TCFL5: variants seen among roughly 807,000 people sequenced by gnomAD.
TCFL5 encodes the protein transcription factor like 5.
TCFL5 carries 9 observed loss-of-function variants against 44.3 expected under a neutral mutation model. The ratio of observed to expected loss-of-function variants is 0.20; its 90% CI spans 0.12 to 0.35. The LOEUF is 0.35. Among genes scored for constraint, TCFL5 ranks in the 10% least tolerant of loss-of-function variants. The pLI is 1.00. For synonymous variants in TCFL5, 319 were observed against 271.6 expected, an observed-to-expected ratio of 1.17 and a Z score of -1.72; for missense variants, 603 against 613.4, an observed-to-expected ratio of 0.98 and a Z score of 0.18.
intron 5 of TCFL5, among the ~76,000 whole-genome samples, chr20:62,844,573 T>C (rs2147244620): frequency 7.3e-6 from 1 of 137,646 alleles, no homozygotes; most frequent in African/African-American, 3.4e-5. Context: ...TTTTTTTTGT[T>C]TGTTTTTTGT....
chr20:62,845,420 GCTT>G (rs2063729005), intron 5 of TCFL5: 2 of 1,245,112 alleles, frequency 1.6e-6, no homozygotes, highest in Non-Finnish European at 2.0e-6. Context: ...ACGACGCCCA[GCTT>G]CTTCCCAAAT....
intron 5 of TCFL5, chr20:62,845,650 A>T (rs1252108993): frequency 1.2e-6 from 2 of 1,605,486 alleles, no homozygotes; most frequent in East Asian, 4.5e-5. Context: ...CCCCTTCAGC[A>T]ACCCCCGCTG....
intron 5 of TCFL5, chr20:62,851,930 T>A (rs1269632245): frequency 1.3e-6 from 1 of 795,148 alleles, no homozygotes. Flanking sequence ...TGCTTCAACC[T>A]CCTGAGTAGC....
Position 62,859,408 on chromosome 20 carries a change from C to T in TCFL5, c.950G>A (p.Ser317Asn), listed in dbSNP as rs751521241. 1.9e-6 allele frequency: 3 copies of T among 1,611,960 alleles called. No homozygotes were observed. The highest frequency in any genetic ancestry group is 1.7e-6 in the Non-Finnish European group (2 of 1,178,506). ...TTGCTCAGGCAAAACTTTGTTTCTA[C>T]TACCTAACGTCTGTTTAGTGGATTC... ...EIESTKQTLG[S>N]RNKVLPEQVW... The change falls in exon 3 of 6, where the codon AGT (serine) becomes AAT (asparagine). Residue 317 changes from serine to asparagine, a missense_variant. Coordinates refer to ENST00000335351, the MANE Select transcript of TCFL5 (RefSeq NM_006602.4).
chr20:62,844,865 G>C (rs2063722056), intron 5 of TCFL5: 1 of 984,862 alleles, frequency 1.0e-6, no homozygotes, highest in African/African-American at 1.7e-5. Context: ...CAGAGTGCTG[G>C]GATTACAGGC....
intron 3 of TCFL5, among the ~76,000 whole-genome samples, chr20:62,858,254 C>A (rs921084175): frequency 2.0e-5 from 3 of 152,254 alleles, no homozygotes; most frequent in African/African-American, 7.2e-5. Context: ...GTCAGTGGAA[C>A]TGTATCCATC....
chr20:62,844,549 C>T (rs2063715244), intron 5 of TCFL5, among the ~76,000 whole-genome samples: 1 of 148,384 alleles, frequency 6.7e-6, no homozygotes, highest in South Asian at 2.1e-4. Context: ...TGGCTTTCAA[C>T]ATTTTTTTTC....
At chr20:62,860,410 C>A in intron 1 of TCFL5, 102 bp from the exon 2 acceptor site, 1 of 1,000,104 alleles carries the variant, frequency 1.0e-6, no homozygotes, top group Non-Finnish European at 1.5e-6. Context: ...AGACAGCAAC[C>A]CAACTCTCAT....
At chr20:62,845,780 G>GGAGAATGGGGAAGGTGTGGCAATGTGTCC (rs767557217) in intron 5 of TCFL5, 52 of 1,605,458 alleles carry the variant, frequency 3.2e-5, no homozygotes, top group African/African-American at 4.0e-5. Context: ...AGGAAGAGCT[G>GGAGAATGGGGAAGGTGTGGCAATGTGTCC]GAGAATGGGG....
intron 5 of TCFL5, among the ~76,000 whole-genome samples, chr20:62,849,987 TA>T (rs1000709368): frequency 2.6e-5 from 4 of 151,832 alleles, no homozygotes; most frequent in African/African-American, 9.7e-5. Context: ...AACATTAAAA[TA>T]AAAAAATTAG....
At chr20:62,846,932 C>T (rs1351712975) in intron 5 of TCFL5, among the ~76,000 whole-genome samples, 2 of 152,134 alleles carry the variant, frequency 1.3e-5, no homozygotes, top group East Asian at 3.9e-4. Flanking sequence ...CACCTGTAAT[C>T]GCAGCACTTT....
At chr20:62,846,156 A>C (rs1305468429) in intron 5 of TCFL5, 1 of 1,196,124 alleles carries the variant, frequency 8.4e-7, no homozygotes, top group Admixed American at 2.6e-5. Context: ...ATCTAAATTT[A>C]AAAGACGATA....
rs779345224 is a variant in TCFL5 at position 62,842,123 on chromosome 20, A to G, written c.1381-26T>C. The G allele has an allele frequency of 3.1e-6, 5 of 1,613,650 alleles. No homozygotes were observed. Among genetic ancestry groups the G allele is most frequent in the South Asian group, 1.1e-5 (1 of 91,020 alleles). ...CTGCAGTGAAGAAGTGACGGTTAACATACTGAATTAACTGACATGAAAACT... is the reference window on the plus strand; with the variant it reads ...CTGCAGTGAAGAAGTGACGGTTAACGTACTGAATTAACTGACATGAAAACT... On this transcript the variant is annotated intron_variant, in intron 5 of 5. Coordinates refer to ENST00000335351, the MANE Select transcript of TCFL5 (RefSeq NM_006602.4). The surrounding 1 kb of genome is among the most constrained non-coding windows in gnomAD (Gnocchi z 4.3).
At chr20:62,859,251 T>G in intron 3 of TCFL5, 113 bp downstream of exon 3, 3 of 1,030,016 alleles carry the variant, frequency 2.9e-6, no homozygotes, top group Non-Finnish European at 2.8e-6. Context: ...CCTCCAAGAC[T>G]GTTTCACATG....
Position 62,853,998 on chromosome 20 carries a change from ACCTGG to A in TCFL5, c.1380+13_1380+17del, listed in dbSNP as rs755535729. The A allele has an allele frequency of 1.9e-6, 3 of 1,609,154 alleles. No homozygotes were observed. The highest frequency in any genetic ancestry group is 2.5e-6 in the Non-Finnish European group (3 of 1,177,552). ...AAAATTTGTAAAATTCTGAAAATCT[ACCTGG>A]CCTACCACTAACCTTTTTAAGAGAA... On this transcript the variant is annotated intron_variant, in intron 5 of 5. Transcript: ENST00000335351.
chr20:62,841,448 TTAA>T lies in TCFL5; in HGVS notation c.*524_*526del, dbSNP rs2064161024. ...TCTGGAAAATTTTTAGCACACAGGTTTAAAATGGTCCTGCACGTTGCAATACAG... is the reference window on the plus strand; with the variant it reads ...TCTGGAAAATTTTTAGCACACAGGTTAATGGTCCTGCACGTTGCAATACAG... On this transcript the variant is annotated 3_prime_UTR_variant, in exon 6 of 6. Coordinates refer to ENST00000335351, the MANE Select transcript of TCFL5 (RefSeq NM_006602.4). 1 of 153,842 alleles carries T rather than the reference TTAA, an allele frequency of 6.5e-6. No individual in the cohort carries two copies. The highest frequency in any genetic ancestry group is 1.4e-5 in the Non-Finnish European group (1 of 69,240). 9.5% of individuals were successfully genotyped at this position (153,842 alleles called of 1,614,324 possible). A position where few individuals can be genotyped will look rare whatever the true frequency, so the allele number is the denominator to read the frequency against.
chr20:62,845,738 C>T (rs1337143026), intron 5 of TCFL5: 2 of 1,606,574 alleles, frequency 1.2e-6, no homozygotes, highest in East Asian at 2.2e-5. Flanking sequence ...ATTTCTGTCC[C>T]TGCCCATGCG....
chr20:62,845,599 A>C, intron 5 of TCFL5: 1 of 1,572,986 alleles, frequency 6.4e-7, no homozygotes, highest in Non-Finnish European at 8.6e-7. Context: ...GCTCCGGAGA[A>C]GTTAGACCCT....
intron 3 of TCFL5, 112 bp from the exon 4 acceptor site, chr20:62,857,750 C>T: frequency 7.8e-7 from 1 of 1,280,672 alleles, no homozygotes. Context: ...GGGTAAGCAG[C>T]ACAGAGAACC....
Sources: allele counts gnomAD v4.1 joint callset (sites outside exome capture counted in the v4.1 genomes callset), GRCh38; gene constraint gnomAD v4.1.1; non-coding constraint Gnocchi (gnomAD v3.1); transcripts MANE v1.5; gene names NCBI Gene and HGNC (gene_info 2026-07-23, HGNC 2026-07-21).